Variants in NTMT2 observed in about 807,000 individuals in gnomAD.
The protein encoded by NTMT2 is N-terminal Xaa-Pro-Lys N-methyltransferase 2, also known as X-Pro-Lys N-terminal protein methyltransferase 1B.
In NTMT2, 21 loss-of-function variants were observed where a neutral mutation model predicts 23.4. That is an observed-to-expected ratio of 0.90 (90% CI 0.64 to 1.29). The LOEUF is 1.29. Ranked by LOEUF, NTMT2 falls within the 50% of genes most tolerant of loss-of-function variation. NTMT2 has a pLI of 0.00. For synonymous variants in NTMT2, 131 were observed against 127.7 expected, an observed-to-expected ratio of 1.03 and a Z score of -0.17; for missense variants, 336 against 352.0, an observed-to-expected ratio of 0.95 and a Z score of 0.36.
Position 170,167,519 on chromosome 1 carries a change from T to A in NTMT2, c.614T>A (p.Leu205His), listed in dbSNP as rs1441616849. The A allele has an allele frequency of 6.4e-7, 1 of 1,551,446 alleles. No individual in the cohort carries two copies. The highest frequency in any genetic ancestry group is 8.7e-7 in the Non-Finnish European group (1 of 1,146,900). ...HLTDKDLLAFLSRCRDGLKEN... is the reference protein window; with the variant it reads ...HLTDKDLLAFHSRCRDGLKEN... ...ACTGATAAGGACCTTCTTGCATTTC[T>A]TTCCCGGTGCCGAGATGGCCTGAAA... The change falls in exon 4 of 4, where the codon CTT becomes CAT. Residue 205 changes from leucine to histidine, a missense_variant. By Grantham distance (99) the Leu-to-His change is moderately conservative. Coordinates refer to ENST00000439373, the MANE Select transcript of NTMT2 (RefSeq NM_001136107.2).
In NTMT2 at chr1:170,166,656, A is replaced by G. The variant is rs1395286085; in HGVS notation, c.485A>G (p.Lys162Arg). The G allele has an allele frequency of 1.2e-5, 18 of 1,552,052 alleles. No homozygotes were observed. The highest frequency in any genetic ancestry group is 2.7e-5 in the African/African-American group (2 of 73,030). The change falls in exon 3 of 4, where the codon AAA (lysine) becomes AGA (arginine). Residue 162 changes from lysine (K) to arginine (R), a missense_variant. Lys to Arg is a conservative substitution (Grantham distance 26). Transcript: ENST00000439373. ...LLEAQNYLQV[K>R]GDKVESYHCY... is the part of the protein sequence containing the mutation. ...GAAGCCCAGAACTACCTGCAGGTCAAAGGTGACAAAGTAGAAAGCTACCAC... is the reference window on the plus strand; with the variant it reads ...GAAGCCCAGAACTACCTGCAGGTCAGAGGTGACAAAGTAGAAAGCTACCAC...
At chr1:170,166,264 C>T (rs1416434704) in intron 2 of NTMT2, among the ~76,000 whole-genome samples, 4 of 149,112 alleles carry the variant, frequency 2.7e-5, no homozygotes, top group Middle Eastern at 3.4e-3. Context: ...CTCAGCCTCC[C>T]GAGTAGCTGG....
chr1:170,154,521 C>G (rs1419871233), intron 1 of NTMT2, among the ~76,000 whole-genome samples: 3 of 152,222 alleles, frequency 2.0e-5, no homozygotes, highest in Non-Finnish European at 4.4e-5. Flanking sequence ...AGCTTTAAGA[C>G]TTAAGGACTG....
rs188553661 is a variant in NTMT2, at chr1:170,156,991, C to G, written c.155-3527C>G. Among the ~76,000 whole-genome samples the G allele has an allele frequency of 2.1e-3, 326 of 152,198 alleles. 1 individual carries two copies. Among genetic ancestry groups the G allele is most frequent in the African/African-American group, 7.4e-3 (308 of 41,518 alleles). ...GGATCAAGAGAGCCCTGGGCTATGG[C>G]TTGCCAATAATCCCAGAGTAGCATC... On this transcript the variant is annotated intron_variant, in intron 1 of 3. Coordinates refer to ENST00000439373, the MANE Select transcript of NTMT2 (RefSeq NM_001136107.2).
At chr1:170,163,391 GT>G (rs1482059594) in intron 2 of NTMT2, among the ~76,000 whole-genome samples, 1 of 152,142 alleles carries the variant, frequency 6.6e-6, no homozygotes, top group Non-Finnish European at 1.5e-5. Context: ...TTAAAGTTTT[GT>G]TTTCCTTTCA....
At chr1:170,147,556 C>A (rs963198992) in intron 1 of NTMT2, among the ~76,000 whole-genome samples, 2 of 151,974 alleles carry the variant, frequency 1.3e-5, no homozygotes, top group African/African-American at 4.8e-5. Context: ...AAAAAAAATA[C>A]AGCAGTTTAA....
intron 1 of NTMT2, 126 bp downstream of exon 1, chr1:170,146,387 A>G: frequency 2.4e-6 from 2 of 831,970 alleles, no homozygotes; most frequent in Non-Finnish European, 1.9e-6. Context: ...TCCACAACCA[A>G]TGTCACTGGG....
intron 1 of NTMT2, among the ~76,000 whole-genome samples, chr1:170,159,060 A>C (rs571692868): frequency 3.4e-4 from 52 of 151,286 alleles, no homozygotes; most frequent in African/African-American, 1.2e-3. Context: ...CACATTTAGG[A>C]ATAAAAAACA....
At chr1:170,159,029 T>C (rs1377706358) in intron 1 of NTMT2, among the ~76,000 whole-genome samples, 1 of 151,382 alleles carries the variant, frequency 6.6e-6, no homozygotes, top group East Asian at 1.9e-4. Context: ...AGGCTTCTTA[T>C]GTGTTTGGAG....
chr1:170,167,817 C>T lies in NTMT2; in HGVS notation c.*60C>T. ...TGGTGCTTTGGGATGGGGTTGCTAT[C>T]CTTCCAGGTGCCCCTTGTAATGCAG... On this transcript the variant is annotated 3_prime_UTR_variant, in exon 4 of 4. Coordinates refer to ENST00000439373, the MANE Select transcript of NTMT2 (RefSeq NM_001136107.2). 1 of 1,484,420 alleles carries T rather than the reference C, an allele frequency of 6.7e-7. No homozygotes were observed. The highest frequency in any genetic ancestry group is 9.0e-7 in the Non-Finnish European group (1 of 1,111,106). 92.0% of individuals were successfully genotyped at this position (1,484,420 alleles called of 1,614,324 possible). A position where few individuals can be genotyped will look rare whatever the true frequency, so the allele number is the denominator to read the frequency against.
chr1:170,165,812 T>G (rs1215947400), intron 2 of NTMT2, among the ~76,000 whole-genome samples: 1 of 151,698 alleles, frequency 6.6e-6, no homozygotes, highest in Non-Finnish European at 1.5e-5. Context: ...CATTAAAGTT[T>G]TATCTTCATA....
chr1:170,152,430 A>T (rs1673087936), intron 1 of NTMT2, among the ~76,000 whole-genome samples: 1 of 152,196 alleles, frequency 6.6e-6, no homozygotes, highest in South Asian at 2.1e-4. Context: ...TAGGTAGGGG[A>T]TAGATCTCTT....
rs1257780308 is a variant in NTMT2, at chr1:170,146,217, A to G, written c.110A>G (p.Asp37Gly). 3.9e-6 allele frequency: 6 copies of G among 1,550,806 alleles called. No homozygotes were observed. Among genetic ancestry groups the G allele is most frequent in the Admixed American group, 2.0e-5 (1 of 50,816 alleles). ...ATCCTTCACAAAGCCATTCGCAATGACTTCTTTCAGAGCTATCTCTACCTG... is the reference window on the plus strand; with the variant it reads ...ATCCTTCACAAAGCCATTCGCAATGGCTTCTTTCAGAGCTATCTCTACCTG... ...SFILHKAIRN[D>G]FFQSYLYLLE... Residue 37 changes from aspartate to glycine, a missense_variant, in exon 1 of 4, where the codon GAC becomes GGC. By Grantham distance (94) the Asp-to-Gly change is moderately conservative. Transcript: ENST00000439373.
intron 2 of NTMT2, among the ~76,000 whole-genome samples, chr1:170,164,732 A>C (rs1315078348): frequency 1.3e-5 from 2 of 152,218 alleles, no homozygotes; most frequent in African/African-American, 4.8e-5. Context: ...TGACATCCCT[A>C]ATGGAGAACT....
chr1:170,167,832 T>C lies in NTMT2; in HGVS notation c.*75T>C. 6.9e-7 allele frequency: 1 copy of C among 1,441,886 alleles called. No individual in the cohort carries two copies. Among genetic ancestry groups the C allele is most frequent in the Non-Finnish European group, 9.2e-7 (1 of 1,082,566 alleles). 89.3% of individuals were successfully genotyped at this position (1,441,886 alleles called of 1,614,324 possible). ...GGGTTGCTATCCTTCCAGGTGCCCCTTGTAATGCAGATAGGGATGGCAAGA... is the reference window on the plus strand; with the variant it reads ...GGGTTGCTATCCTTCCAGGTGCCCCCTGTAATGCAGATAGGGATGGCAAGA... On this transcript the variant is annotated 3_prime_UTR_variant, in exon 4 of 4. Transcript: ENST00000439373.
intron 1 of NTMT2, among the ~76,000 whole-genome samples, chr1:170,153,252 C>T (rs1400300252): frequency 6.6e-6 from 1 of 152,186 alleles, no homozygotes; most frequent in African/African-American, 2.4e-5. Flanking sequence ...AATGGCCTAA[C>T]ATAGACAATT....
Position 170,146,090 on chromosome 1 carries a change from T to C in NTMT2, c.-18T>C. 2.6e-6 allele frequency: 4 copies of C among 1,547,842 alleles called. No individual in the cohort carries two copies. Among genetic ancestry groups the C allele is most frequent in the South Asian group, 1.2e-5 (1 of 83,474 alleles). On this transcript the variant is annotated 5_prime_UTR_variant, in exon 1 of 4. Coordinates refer to ENST00000439373, the MANE Select transcript of NTMT2 (RefSeq NM_001136107.2). ...AAGCTTCCTTTCTCTGTAGGAATCATTATTATCCCCCTTTGTCATGGCCCA... is the reference window on the plus strand; with the variant it reads ...AAGCTTCCTTTCTCTGTAGGAATCACTATTATCCCCCTTTGTCATGGCCCA...
chr1:170,155,607 C>T (rs1411917679), intron 1 of NTMT2, among the ~76,000 whole-genome samples: 1 of 151,960 alleles, frequency 6.6e-6, no homozygotes, highest in Non-Finnish European at 1.5e-5. Flanking sequence ...CTAAACCTAG[C>T]TTACTTGTCT....
In NTMT2 at chr1:170,146,270, G is replaced by A. The variant is rs1672963122; in HGVS notation, c.154+9G>A. The A allele has an allele frequency of 3.9e-6, 6 of 1,549,034 alleles. No individual in the cohort carries two copies. The highest frequency in any genetic ancestry group is 1.2e-5 in the South Asian group (1 of 83,772). On this transcript the variant is annotated intron_variant, in intron 1 of 3. Transcript: ENST00000439373. The stretch of plus-strand genomic sequence containing the variant: ...GGAAAAAATTCCCCTGGGTAAGTGA[G>A]TCAGAGCTACTAGATAAGAAACAAG...
Sources: allele counts gnomAD v4.1 joint callset (sites outside exome capture counted in the v4.1 genomes callset), GRCh38; gene constraint gnomAD v4.1.1; transcripts MANE v1.5; gene names NCBI Gene and HGNC (gene_info 2026-07-23, HGNC 2026-07-21).